TOX: variants seen among roughly 807,000 people sequenced by gnomAD.
TOX encodes thymocyte selection associated high mobility group box.
In TOX, 11 loss-of-function variants were observed where a neutral mutation model predicts 53.7. The ratio of observed to expected loss-of-function variants is 0.20; its 90% confidence interval spans 0.13 to 0.34. TOX has a LOEUF of 0.34. TOX is among the 10% of genes least tolerant of loss of function. The pLI is 1.00. For synonymous variants in TOX, 225 were observed against 245.3 expected (o/e 0.92, Z 0.77); for missense variants, 570 against 664.6 (o/e 0.86, Z 1.56).
chr8:58,957,610 G>C (rs961682390), intron 2 of TOX, among the ~76,000 whole-genome samples: 2 of 152,154 alleles, frequency 1.3e-5, no homozygotes, highest in African/African-American at 2.4e-5. Flanking sequence ...TTAGAATTAT[G>C]CTATTTGCTT....
At chr8:58,859,269 C>T (rs1188875726) in intron 3 of TOX, among the ~76,000 whole-genome samples, 2 of 152,134 alleles carry the variant, frequency 1.3e-5, no homozygotes, top group South Asian at 4.2e-4. Context: ...ACAGAACTTG[C>T]TATATTTTTA....
intron 1 of TOX, among the ~76,000 whole-genome samples, chr8:59,021,386 C>T (rs534878334): frequency 6.8e-6 from 1 of 146,440 alleles, no homozygotes; most frequent in Admixed American, 6.8e-5. Context: ...GGCTATTGTC[C>T]CTGAAAATAC....
At chr8:58,970,637 C>T (rs1472683664) in intron 1 of TOX, among the ~76,000 whole-genome samples, 2 of 152,206 alleles carry the variant, frequency 1.3e-5, no homozygotes, top group East Asian at 3.8e-4. Context: ...CAGCCCACAT[C>T]TCTTTCTACT....
intron 3 of TOX, among the ~76,000 whole-genome samples, chr8:58,901,106 A>T (rs2129172791): frequency 6.6e-6 from 1 of 152,264 alleles, no homozygotes; most frequent in East Asian, 1.9e-4. Context: ...TCAAAAATCA[A>T]CATAGGATTG....
chr8:58,898,178 T>C (rs1327522450), intron 3 of TOX, among the ~76,000 whole-genome samples: 1 of 152,192 alleles, frequency 6.6e-6, no homozygotes, highest in Non-Finnish European at 1.5e-5. Flanking sequence ...AATAGCCACA[T>C]AGGATTATTA....
At chr8:59,061,545 CT>C (rs1449305906) in intron 1 of TOX, among the ~76,000 whole-genome samples, 1 of 152,090 alleles carries the variant, frequency 6.6e-6, no homozygotes, top group Non-Finnish European at 1.5e-5. Flanking sequence ...AAATGTTTAT[CT>C]GGTAAAAATC....
intron 5 of TOX, among the ~76,000 whole-genome samples, chr8:58,832,323 T>C (rs556962878): frequency 1.3e-5 from 2 of 151,844 alleles, no homozygotes; most frequent in Admixed American, 6.6e-5. Context: ...GCTTACATTC[T>C]ACAGTTTTTA....
chr8:58,893,210 T>TA (rs1554527819), intron 3 of TOX, among the ~76,000 whole-genome samples: 9 of 151,726 alleles, frequency 5.9e-5, no homozygotes, highest in African/African-American at 2.2e-4. Context: ...ATCCATAATC[T>TA]CCCCCCCACA....
intron 1 of TOX, among the ~76,000 whole-genome samples, chr8:59,112,177 C>T (rs988168653): frequency 6.6e-6 from 1 of 152,132 alleles, no homozygotes; most frequent in Non-Finnish European, 1.5e-5. Context: ...TCTGCTGCAC[C>T]GTCAACATCG....
intron 2 of TOX, among the ~76,000 whole-genome samples, chr8:58,957,648 G>A (rs768988220): frequency 5.3e-5 from 8 of 152,172 alleles, no homozygotes; most frequent in South Asian, 2.1e-4. Context: ...GCAGTAGTGC[G>A]CCATATGTTG....
At chr8:58,962,445 C>T (rs1232161597) in intron 1 of TOX, among the ~76,000 whole-genome samples, 1 of 152,160 alleles carries the variant, frequency 6.6e-6, no homozygotes, top group Non-Finnish European at 1.5e-5. Context: ...TACAAAGGCA[C>T]AGATAAGTTA....
chr8:59,110,707 C>A (rs1805000808), intron 1 of TOX, among the ~76,000 whole-genome samples: 1 of 151,802 alleles, frequency 6.6e-6, no homozygotes, highest in Non-Finnish European at 1.5e-5. Context: ...TGCACTGACT[C>A]TTAATGTGGA....
intron 3 of TOX, among the ~76,000 whole-genome samples, chr8:58,859,779 C>A (rs940916032): frequency 1.3e-5 from 2 of 152,142 alleles, no homozygotes; most frequent in Non-Finnish European, 2.9e-5. Context: ...GTGTTCAGAG[C>A]AAAACATCAC....
At position 58,851,707 on chromosome 8, in the gene TOX, C is replaced by T. The variant is rs199610385; in HGVS notation, c.510G>A (p.Gln170=). 3.7e-6 allele frequency: 6 copies of T among 1,613,484 alleles called. No individual in the cohort carries two copies. The Admixed American group carries it at 8.3e-5, about 22-fold the overall frequency. ...GCTGGCCATGTGGCATCATTCCTGGCTGCTGCCTGATGTCTGCAGGCTGGC... is the reference window on the plus strand; with the variant it reads ...GCTGGCCATGTGGCATCATTCCTGGTTGCTGCCTGATGTCTGCAGGCTGGC... ...PRGQPADIRQ[Q]PGMMPHGQLT... Residue 170 remains glutamine, a synonymous_variant, in exon 4 of 9, where the codon CAG becomes CAA. Transcript: ENST00000361421. The surrounding 1 kb of genome is among the most constrained non-coding windows in gnomAD (Gnocchi z 4.4).
At chr8:59,099,986 T>C (rs887632423) in intron 1 of TOX, among the ~76,000 whole-genome samples, 2 of 152,150 alleles carry the variant, frequency 1.3e-5, no homozygotes, top group Non-Finnish European at 2.9e-5. Flanking sequence ...TATTTGAATA[T>C]AAGGCATTCC....
intron 1 of TOX, among the ~76,000 whole-genome samples, chr8:59,077,540 T>A (rs1387295097): frequency 6.6e-6 from 1 of 151,936 alleles, no homozygotes; most frequent in Non-Finnish European, 1.5e-5. Context: ...CTTAAAGAGA[T>A]CCCTGAATAA....
chr8:58,953,937 G>T (rs902236133), intron 2 of TOX, among the ~76,000 whole-genome samples: 2 of 151,770 alleles, frequency 1.3e-5, no homozygotes, highest in Non-Finnish European at 2.9e-5. Context: ...CTAACCTGGA[G>T]AATTTTCTCG....
At chr8:59,115,864 G>A (rs548998248) in intron 1 of TOX, among the ~76,000 whole-genome samples, 1 of 152,148 alleles carries the variant, frequency 6.6e-6, no homozygotes, top group South Asian at 2.1e-4. Context: ...TGTTCATAAC[G>A]TGTATTAGTC....
At chr8:58,873,957 G>GTTTTTTTTTTTTTTTTTTTTTTTTT (rs1585873069) in intron 3 of TOX, among the ~76,000 whole-genome samples, 1 of 43,992 alleles carries the variant, frequency 2.3e-5, no homozygotes, top group African/African-American at 3.1e-4. Flanking sequence ...ATGCCAGGAA[G>GTTTTTTTTTTTTTTTTTTTTTTTTT]CTTTTTTTTT....
Sources: allele counts gnomAD v4.1 joint callset (sites outside exome capture counted in the v4.1 genomes callset), GRCh38; gene constraint gnomAD v4.1.1; non-coding constraint Gnocchi (gnomAD v3.1); transcripts MANE v1.5; gene names NCBI Gene and HGNC (gene_info 2026-07-23, HGNC 2026-07-21).